Variants in SLC24A3 observed in about 807,000 individuals in gnomAD.
SLC24A3 encodes the protein solute carrier family 24 member 3.
Under a neutral mutation model 75.8 loss-of-function variants are expected in SLC24A3, and 28 were observed. The observed-to-expected ratio is 0.37, with a 90% CI of 0.27 to 0.51. The LOEUF is 0.51. SLC24A3 is among the 20% of genes least tolerant of loss of function. The pLI, the probability that SLC24A3 is intolerant of heterozygous loss-of-function variation, is 0.94. For missense variants in SLC24A3, 663 were observed against 847.8 expected, an observed-to-expected ratio of 0.78 and a Z score of 2.71; for synonymous variants, 372 against 334.1, an observed-to-expected ratio of 1.11 and a Z score of -1.24.
intron 2 of SLC24A3, among the ~76,000 whole-genome samples, chr20:19,348,542 G>C (rs2223849): frequency 0.52 from 78,263 of 151,822 alleles, 22,034 homozygotes; most frequent in African/African-American, 0.74. Context: ...TTCCTCCTTG[G>C]TATTTGTGCT....
intron 3 of SLC24A3, among the ~76,000 whole-genome samples, chr20:19,573,804 A>C (rs766710262): frequency 6.6e-6 from 1 of 152,214 alleles, no homozygotes; most frequent in Non-Finnish European, 1.5e-5. Context: ...CCATGACTAG[A>C]TCCAAGAAGG....
intron 2 of SLC24A3, among the ~76,000 whole-genome samples, chr20:19,498,873 A>C (rs1052624274): frequency 2.2e-4 from 34 of 152,222 alleles, no homozygotes; most frequent in African/African-American, 8.0e-4. Flanking sequence ...CCAGATCATA[A>C]AAGGCTGTAT....
intron 3 of SLC24A3, among the ~76,000 whole-genome samples, chr20:19,555,600 C>T (rs775593540): frequency 6.6e-6 from 1 of 152,116 alleles, no homozygotes; most frequent in Non-Finnish European, 1.5e-5. Flanking sequence ...GTGACTTGTT[C>T]CTTCCCCACT....
intron 3 of SLC24A3, among the ~76,000 whole-genome samples, chr20:19,521,863 C>A (rs1568643272): frequency 6.6e-6 from 1 of 152,148 alleles, no homozygotes; most frequent in Non-Finnish European, 1.5e-5. Flanking sequence ...CCTTCCCCAG[C>A]CCCCATCTCC....
At chr20:19,263,835 A>C (rs977925811) in intron 1 of SLC24A3, among the ~76,000 whole-genome samples, 1 of 152,244 alleles carries the variant, frequency 6.6e-6, no homozygotes, top group African/African-American at 2.4e-5. Flanking sequence ...CGAAAGCTTC[A>C]CTGCCTATCC....
chr20:19,540,526 G>T (rs111304494), intron 3 of SLC24A3, among the ~76,000 whole-genome samples: 1 of 152,148 alleles, frequency 6.6e-6, no homozygotes, highest in African/African-American at 2.4e-5. Flanking sequence ...CAGCAGGCTC[G>T]CAGAGGCCAG....
chr20:19,513,509 T>C (rs920869131), intron 2 of SLC24A3, among the ~76,000 whole-genome samples: 4 of 152,218 alleles, frequency 2.6e-5, no homozygotes, highest in African/African-American at 9.6e-5. Flanking sequence ...AATTTCCAGA[T>C]CGTGGCTTCA....
chr20:19,287,307 T>C (rs1983838758), intron 2 of SLC24A3, among the ~76,000 whole-genome samples: 1 of 152,260 alleles, frequency 6.6e-6, no homozygotes, highest in South Asian at 2.1e-4. Context: ...GGTAGCAGGG[T>C]TTTATGGACT....
intron 14 of SLC24A3, among the ~76,000 whole-genome samples, chr20:19,697,784 C>A (rs759307801): frequency 6.6e-6 from 1 of 152,144 alleles, no homozygotes; most frequent in African/African-American, 2.4e-5. Flanking sequence ...CAGTACAGGG[C>A]AGTTGGAAGA....
chr20:19,372,992 A>C (rs1431373064), intron 2 of SLC24A3, among the ~76,000 whole-genome samples: 1 of 152,216 alleles, frequency 6.6e-6, no homozygotes, highest in East Asian at 1.9e-4. Context: ...TGAATTGCAC[A>C]GAAAGACTCA....
At chr20:19,706,016 A>G (rs1347579130) in intron 15 of SLC24A3, among the ~76,000 whole-genome samples, 1 of 152,198 alleles carries the variant, frequency 6.6e-6, no homozygotes, top group Non-Finnish European at 1.5e-5. Context: ...AGGCTCCAGG[A>G]AGCCAGGGCA....
intron 2 of SLC24A3, among the ~76,000 whole-genome samples, chr20:19,419,984 C>T (rs1301346547): frequency 4.0e-5 from 4 of 99,028 alleles, no homozygotes; most frequent in East Asian, 6.6e-4. Context: ...CCCCCTCCCC[C>T]GACCCCACCA....
At chr20:19,579,915 T>C in intron 3 of SLC24A3, 85 bp from the exon 4 acceptor site, 1 of 985,170 alleles carries the variant, frequency 1.0e-6, no homozygotes, top group Non-Finnish European at 1.6e-6. Context: ...ACAGAAGACA[T>C]TATCAAAGCA....
At chr20:19,294,465 T>C (rs1262067585) in intron 2 of SLC24A3, among the ~76,000 whole-genome samples, 1 of 152,106 alleles carries the variant, frequency 6.6e-6, no homozygotes, top group Admixed American at 6.5e-5. Flanking sequence ...CCAGTGTGTG[T>C]TGTTCCCTTC....
At chr20:19,336,319 A>G (rs1003026692) in intron 2 of SLC24A3, among the ~76,000 whole-genome samples, 1 of 152,178 alleles carries the variant, frequency 6.6e-6, no homozygotes, top group Non-Finnish European at 1.5e-5. Flanking sequence ...AGACTGTTTG[A>G]CCTGCCAAGC....
chr20:19,643,931 A>G (rs552458344), intron 6 of SLC24A3, among the ~76,000 whole-genome samples: 187 of 152,348 alleles, frequency 1.2e-3, no homozygotes, highest in African/African-American at 4.4e-3. Flanking sequence ...TGTGACAGGT[A>G]TACATTTTAA....
chr20:19,703,883 A>G (rs1248304308), intron 15 of SLC24A3, among the ~76,000 whole-genome samples: 2 of 152,222 alleles, frequency 1.3e-5, no homozygotes, highest in African/African-American at 4.8e-5. Context: ...CAGGGGCCCC[A>G]ACCAAGGGCT....
chr20:19,312,110 G>C (rs1465448641), intron 2 of SLC24A3, among the ~76,000 whole-genome samples: 1 of 152,196 alleles, frequency 6.6e-6, no homozygotes, highest in Admixed American at 6.5e-5. Flanking sequence ...AATGACACTT[G>C]ATTAGTTTGT....
intron 1 of SLC24A3, among the ~76,000 whole-genome samples, chr20:19,230,391 C>A (rs1028952929): frequency 6.6e-6 from 1 of 152,080 alleles, no homozygotes; most frequent in Non-Finnish European, 1.5e-5. Flanking sequence ...TGAGGTGGAA[C>A]CTTATTCATT....
Sources: allele counts gnomAD v4.1 joint callset (sites outside exome capture counted in the v4.1 genomes callset), GRCh38; gene constraint gnomAD v4.1.1; transcripts MANE v1.5; gene names NCBI Gene and HGNC (gene_info 2026-07-23, HGNC 2026-07-21).